Variants in OOEP observed in about 807,000 individuals in gnomAD.
OOEP encodes the protein oocyte-expressed protein homolog.
A neutral mutation model predicts 13.7 loss-of-function variants in OOEP; 16 were observed. That is an observed-to-expected ratio of 1.16 (90% CI 0.79 to 1.77). The LOEUF (loss-of-function observed/expected upper bound fraction) is 1.77. Ranked by LOEUF, OOEP falls within the 40% of genes most tolerant of loss-of-function variation. OOEP has a pLI of 0.00. For synonymous variants in OOEP, 89 were observed against 77.1 expected, an observed-to-expected ratio of 1.15 and a Z score of -0.81; for missense variants, 195 against 193.1, an observed-to-expected ratio of 1.01 and a Z score of -0.06.
chr6:73,391,311 A>G lies in OOEP; in HGVS notation c.25+3035T>C, dbSNP rs1769343378. On this transcript the variant is annotated intron_variant, in intron 2 of 3. Coordinates refer to the OOEP transcript ENST00000370363. ...TTATAACAAAGAGCTTTCTTATAAC[A>G]TATTGGTGGACATCATCTTTTTAGA... 3 of 152,842 alleles carry G rather than the reference A, an allele frequency of 2.0e-5. No homozygotes were observed. The Admixed American group carries it at 2.0e-4, about 10-fold the overall frequency. The allele number at this position is 152,842 out of a possible 1,614,324, so 9.5% of individuals were successfully genotyped here. A position where few individuals can be genotyped will look rare whatever the true frequency, so the allele number is the denominator to read the frequency against.
chr6:73,369,307 T>A lies in OOEP; in HGVS notation c.269A>T (p.Asn90Ile), dbSNP rs762513305. The change falls in exon 2 of 3, where the codon AAC (asparagine) becomes ATC (isoleucine). Residue 90 changes from asparagine (N) to isoleucine (I), a missense_variant. Transcript: ENST00000370359. ...LLTVDIVDSGNLVEITVFGRP... is the reference protein window; with the variant it reads ...LLTVDIVDSGILVEITVFGRP... Reference sequence around the variant, plus strand: ...CCCGAAAACGGTGATTTCGACTAGGTTCCCTGAGTCCACTATGTCCACTGT... The same window carrying A: ...CCCGAAAACGGTGATTTCGACTAGGATCCCTGAGTCCACTATGTCCACTGT... The A allele has an allele frequency of 6.2e-7, 1 of 1,613,808 alleles. No homozygotes were observed. Among genetic ancestry groups the A allele is most frequent in the Admixed American group, 1.7e-5 (1 of 59,978 alleles).
exon 1 of OOEP, chr6:73,394,774 G>C: frequency 1.5e-6 from 2 of 1,338,906 alleles, no homozygotes; most frequent in African/African-American, 1.5e-5. Context: ...AGCGTGGGCG[G>C]GGGGGCTAGC....
upstream of OOEP, among the ~76,000 whole-genome samples, chr6:73,374,834 T>C (rs1363530988): frequency 4.6e-5 from 7 of 152,210 alleles, no homozygotes; most frequent in African/African-American, 7.2e-5. Flanking sequence ...TATTTATTTA[T>C]TTATTTTTGA....
At chr6:73,382,850 C>CTTTTTTTTT (rs765716551) in intron 2 of OOEP, among the ~76,000 whole-genome samples, 1 of 102,264 alleles carries the variant, frequency 9.8e-6, no homozygotes, top group African/African-American at 3.8e-5. Context: ...TGGTTTTTAA[C>CTTTTTTTTT]TTTTTTTTTT....
chr6:73,376,673 A>G (rs1459678188), intron 2 of OOEP, among the ~76,000 whole-genome samples: 4 of 150,320 alleles, frequency 2.7e-5, no homozygotes, highest in African/African-American at 9.9e-5. Context: ...TTTGTTTGAG[A>G]TGGAGTCTCA....
chr6:73,392,253 CAGATTAA>C (rs1171010303), intron 2 of OOEP, among the ~76,000 whole-genome samples: 1 of 152,188 alleles, frequency 6.6e-6, no homozygotes, highest in Non-Finnish European at 1.5e-5. Context: ...CTACCCATTT[CAGATTAA>C]AGATTAGAGA....
chr6:73,386,977 GAAAAAAAAAAAA>G (rs1169476638), intron 2 of OOEP, among the ~76,000 whole-genome samples: 13 of 30,868 alleles, frequency 4.2e-4, no homozygotes, highest in East Asian at 1.1e-3. Context: ...TTCCATCTCA[GAAAAAAAAAAAA>G]AAAAAAAAAA....
At chr6:73,394,133 G>A (rs1029020339) in intron 2 of OOEP, among the ~76,000 whole-genome samples, 2 of 152,120 alleles carry the variant, frequency 1.3e-5, no homozygotes, top group African/African-American at 2.4e-5. Context: ...TTGAGTCCAG[G>A]AGTTCAAGAC....
At chr6:73,369,172 C>T in intron 2 of OOEP, 34 bp downstream of exon 2, 2 of 1,586,568 alleles carry the variant, frequency 1.3e-6, no homozygotes, top group Non-Finnish European at 1.7e-6. Flanking sequence ...TCACTCGTGG[C>T]TTCCTCCACA....
upstream of OOEP, chr6:73,369,997 G>T (rs1269602957): frequency 2.3e-5 from 13 of 576,236 alleles, no homozygotes; most frequent in Non-Finnish European, 4.0e-5. Context: ...TGCTTCAATC[G>T]CCGGGATTGC....
At chr6:73,378,238 G>A (rs1244073990) in intron 2 of OOEP, among the ~76,000 whole-genome samples, 1 of 151,950 alleles carries the variant, frequency 6.6e-6, no homozygotes, top group Non-Finnish European at 1.5e-5. Context: ...GAGTAGCTGG[G>A]ATGACAGGTG....
intron 2 of OOEP, 62 bp downstream of exon 2, chr6:73,369,144 C>T (rs1769002488): frequency 6.7e-7 from 1 of 1,501,480 alleles, no homozygotes; most frequent in East Asian, 2.3e-5. Flanking sequence ...GGAAGGAAAC[C>T]GAGCAAGGCC....
At position 73,369,834 on chromosome 6, in the gene OOEP, G is replaced by A. The variant is rs780652900; in HGVS notation, c.-42C>T. The A allele has an allele frequency of 1.9e-6, 3 of 1,569,422 alleles. No homozygotes were observed. Among genetic ancestry groups the A allele is most frequent in the Non-Finnish European group, 2.6e-6 (3 of 1,148,752 alleles). ...GCGGAGCGCGCTCGAGGCGGCTTTC[G>A]CAAGACCTCTTCCAGACCCAGGCGC... is the stretch of plus-strand genomic sequence containing the variant. On this transcript the variant is annotated 5_prime_UTR_variant, in exon 1 of 3. Transcript: ENST00000370359.
chr6:73,377,283 TCAAG>T (rs1769150026), intron 2 of OOEP, among the ~76,000 whole-genome samples: 1 of 152,138 alleles, frequency 6.6e-6, no homozygotes, highest in South Asian at 2.1e-4. Context: ...AGCCAAAACC[TCAAG>T]ACCCCTTTTA....
At chr6:73,393,793 C>T (rs759145062) in intron 2 of OOEP, among the ~76,000 whole-genome samples, 2 of 152,004 alleles carry the variant, frequency 1.3e-5, no homozygotes, top group Non-Finnish European at 2.9e-5. Context: ...CCAGCCTAGG[C>T]GACAGAGGTC....
At chr6:73,378,859 T>C (rs1335239921) in intron 2 of OOEP, among the ~76,000 whole-genome samples, 1 of 150,232 alleles carries the variant, frequency 6.7e-6, no homozygotes, top group African/African-American at 2.5e-5. Context: ...CAGAGCCAGA[T>C]ACTGTCTCCA....
chr6:73,383,097 C>T (rs1769230450), intron 2 of OOEP, among the ~76,000 whole-genome samples: 3 of 152,026 alleles, frequency 2.0e-5, no homozygotes, highest in South Asian at 4.1e-4. Context: ...CTGGGCCTCC[C>T]GAAGTGCTGG....
intron 2 of OOEP, among the ~76,000 whole-genome samples, chr6:73,383,582 C>G (rs1582628394): frequency 6.6e-6 from 1 of 152,158 alleles, no homozygotes; most frequent in East Asian, 1.9e-4. Context: ...TTGCAGTGAG[C>G]CGAGATTGCG....
At chr6:73,390,639 C>T (rs1769335314) in intron 2 of OOEP, among the ~76,000 whole-genome samples, 1 of 142,468 alleles carries the variant, frequency 7.0e-6, no homozygotes, top group African/African-American at 2.6e-5. Context: ...TGTGATGGTG[C>T]GATCTCGGGT....
Sources: gnomAD v4.1 joint callset for allele counts (sites outside exome capture counted in the v4.1 genomes callset) on GRCh38, gnomAD v4.1.1 for gene constraint, MANE v1.5 for transcripts, NCBI Gene and HGNC (gene_info 2026-07-23, HGNC 2026-07-21) for gene names.